RAI14: variants seen among roughly 807,000 people sequenced by gnomAD.
RAI14 encodes retinoic acid induced 14.
RAI14 carries 45 observed loss-of-function variants against 115.4 expected under a neutral mutation model. That is an observed-to-expected ratio of 0.39 (90% CI 0.31 to 0.50). The LOEUF is 0.50. Among genes scored for constraint, RAI14 ranks in the 20% least tolerant of loss-of-function variants. The pLI, the probability that RAI14 is intolerant of heterozygous loss-of-function variation, is 0.85. For missense variants in RAI14, 939 were observed against 1,131.2 expected, an observed-to-expected ratio of 0.83 and a Z score of 2.44; for synonymous variants, 371 against 415.4, an observed-to-expected ratio of 0.89 and a Z score of 1.30.
At position 34,725,823 on chromosome 5, in the gene RAI14, C is replaced by T. The variant is rs145729996; in HGVS notation, c.37-31645C>T. Among the ~76,000 whole-genome samples the T allele has an allele frequency of 6.0e-3, 912 of 151,680 alleles. 8 individuals are homozygous for T. The highest frequency in any genetic ancestry group is 0.021 in the African/African-American group (875 of 41,390). On this transcript the variant is annotated intron_variant, in intron 2 of 17. Transcript: ENST00000265109. ...TCTACTAAATACAAAATTTAGCCAG[C>T]AGTGGTGGCGTATGCGTGTAATCAG...
intron 2 of RAI14, among the ~76,000 whole-genome samples, chr5:34,745,074 A>G (rs751809095): frequency 2.6e-5 from 4 of 152,186 alleles, no homozygotes; most frequent in Non-Finnish European, 5.9e-5. Context: ...ATATGACCTC[A>G]TCTTAACTTG....
chr5:34,822,250 GTATA>G (rs376790121), intron 14 of RAI14, among the ~76,000 whole-genome samples: 39 of 134,730 alleles, frequency 2.9e-4, no homozygotes, highest in East Asian at 1.3e-3. Context: ...ATGTGTGTAT[GTATA>G]TATATATATA....
chr5:34,748,640 C>T (rs551032345), intron 2 of RAI14, among the ~76,000 whole-genome samples: 4 of 151,954 alleles, frequency 2.6e-5, no homozygotes, highest in African/African-American at 7.2e-5. Context: ...GCATTGTTGG[C>T]GTATTTCTGG....
intron 3 of RAI14, among the ~76,000 whole-genome samples, chr5:34,769,232 A>G (rs944231647): frequency 3.9e-5 from 6 of 152,200 alleles, no homozygotes; most frequent in Admixed American, 2.0e-4. Context: ...ACTTTCTGCT[A>G]CATCAGTTCC....
intron 14 of RAI14, among the ~76,000 whole-genome samples, chr5:34,822,181 TATA>T (rs1460213677): frequency 4.1e-5 from 6 of 147,334 alleles, no homozygotes; most frequent in South Asian, 2.1e-4. Context: ...ATGCATAATA[TATA>T]ATTTTATATT....
chr5:34,707,371 G>T (rs1008110876), intron 2 of RAI14, among the ~76,000 whole-genome samples: 1 of 152,220 alleles, frequency 6.6e-6, no homozygotes, highest in African/African-American at 2.4e-5. Flanking sequence ...GGAGGCTGAG[G>T]CAGGAGAATC....
rs185058762 is a variant in RAI14 at position 34,781,157 on chromosome 5, G to A, written c.168-14782G>A. Reference sequence around the variant, plus strand: ...AAGCACCGCATGTTCTCACTTATAGGTGGGAATCGAACAATGAGAACACTT... The same window carrying A: ...AAGCACCGCATGTTCTCACTTATAGATGGGAATCGAACAATGAGAACACTT... On this transcript the variant is annotated intron_variant, in intron 3 of 17. Coordinates refer to ENST00000265109, the MANE Select transcript of RAI14 (RefSeq NM_015577.3). Among the ~76,000 whole-genome samples the A allele has an allele frequency of 1.6e-3, 235 of 148,648 alleles. 1 individual carries two copies. The highest frequency in any genetic ancestry group is 5.6e-3 in the African/African-American group (226 of 40,320).
chr5:34,815,916 T>G lies in RAI14; in HGVS notation c.939+1247T>G, dbSNP rs1756174279. Among the ~76,000 whole-genome samples the G allele has an allele frequency of 2.0e-5, 3 of 152,190 alleles. No homozygotes were observed. The South Asian group carries it at 6.2e-4, about 32-fold the overall frequency. ...CATGGTAAATACATACAACTTTTAT[T>G]TGTCAACTAAAAAATAAATTAATTT... On this transcript the variant is annotated intron_variant, in intron 12 of 17. Transcript: ENST00000265109.
chr5:34,674,498 C>T (rs1743831895), intron 1 of RAI14, among the ~76,000 whole-genome samples: 1 of 152,102 alleles, frequency 6.6e-6, no homozygotes, highest in African/African-American at 2.4e-5. Flanking sequence ...ATGAATAGAA[C>T]CTGTTCTCTT....
At chr5:34,680,282 G>T (rs1362187157) in intron 1 of RAI14, among the ~76,000 whole-genome samples, 2 of 152,324 alleles carry the variant, frequency 1.3e-5, no homozygotes, top group African/African-American at 2.4e-5. Context: ...ACAGAGAAAA[G>T]AAGCTTATTG....
chr5:34,661,902 C>T (rs1047039061), intron 1 of RAI14, among the ~76,000 whole-genome samples: 4 of 152,234 alleles, frequency 2.6e-5, no homozygotes, highest in African/African-American at 9.6e-5. Flanking sequence ...CCTCCCACCT[C>T]AGCTTCTCAA....
At chr5:34,722,281 A>G (rs760603757) in intron 2 of RAI14, among the ~76,000 whole-genome samples, 2 of 149,190 alleles carry the variant, frequency 1.3e-5, no homozygotes, top group Non-Finnish European at 3.0e-5. Context: ...TCCTTATACA[A>G]GGAGAAAATT....
intron 2 of RAI14, among the ~76,000 whole-genome samples, chr5:34,700,882 TTAAC>T (rs1280451733): frequency 6.6e-6 from 1 of 152,240 alleles, no homozygotes; most frequent in East Asian, 1.9e-4. Context: ...TGTAGGCTAA[TTAAC>T]TAGCCTGTGT....
At chr5:34,657,606 C>T (rs1198063295) in intron 1 of RAI14, among the ~76,000 whole-genome samples, 1 of 152,244 alleles carries the variant, frequency 6.6e-6, no homozygotes, top group Non-Finnish European at 1.5e-5. Context: ...CGCCGCAGCT[C>T]ACGCATGATC....
intron 2 of RAI14, among the ~76,000 whole-genome samples, chr5:34,724,157 C>T (rs767842574): frequency 1.2e-4 from 19 of 152,144 alleles, no homozygotes; most frequent in Admixed American, 3.9e-4. Flanking sequence ...GCTGGGATTA[C>T]AGGCATGCAC....
chr5:34,683,216 T>C (rs1371568523), intron 1 of RAI14, among the ~76,000 whole-genome samples: 2 of 152,210 alleles, frequency 1.3e-5, no homozygotes, highest in Non-Finnish European at 2.9e-5. Flanking sequence ...AGAGTTACCA[T>C]TGTGTGGATT....
chr5:34,786,942 G>A (rs1752369263), intron 3 of RAI14, among the ~76,000 whole-genome samples: 1 of 152,188 alleles, frequency 6.6e-6, no homozygotes. Context: ...TATTCCTTAT[G>A]GGAAATAAAG....
chr5:34,823,451 C>T lies in RAI14; in HGVS notation c.1609C>T (p.Gln537Ter). 6.2e-7 allele frequency: 1 copy of T among 1,614,014 alleles called. No individual in the cohort carries two copies. Among genetic ancestry groups the T allele is most frequent in the Non-Finnish European group, 8.5e-7 (1 of 1,180,022 alleles). ...VTEEEINVLK[Q>*]DLQNALEESE... ...GGAAGAGGAAATAAATGTGCTAAAG[C>T]AGGATCTGCAGAATGCATTAGAAGA... Residue 537 changes from glutamine (Q) to a stop codon, truncating the protein, a stop_gained, in exon 15 of 18, where the codon CAG (glutamine) becomes TAG (stop). Transcript: ENST00000265109. LOFTEE classifies it high-confidence loss of function. This position sits in a 1 kb window ranked among gnomAD's most constrained non-coding sequence, Gnocchi z 4.5.
At chr5:34,813,711 T>C (rs1331880353) in intron 11 of RAI14, 51 bp downstream of exon 11, 1 of 1,454,130 alleles carries the variant, frequency 6.9e-7, no homozygotes, top group South Asian at 1.2e-5. Flanking sequence ...AAGAAAGCCA[T>C]AAATTTGTCA....
Sources: allele counts gnomAD v4.1 joint callset (sites outside exome capture counted in the v4.1 genomes callset), GRCh38; gene constraint gnomAD v4.1.1; non-coding constraint Gnocchi (gnomAD v3.1); transcripts MANE v1.5; gene names NCBI Gene and HGNC (gene_info 2026-07-23, HGNC 2026-07-21).